Variants in PLCB1 observed in about 807,000 individuals in gnomAD.
PLCB1 encodes 1-phosphatidylinositol 4,5-bisphosphate phosphodiesterase beta-1.
Under a neutral mutation model 161.8 loss-of-function variants are expected in PLCB1, and 46 were observed. That is an observed-to-expected ratio of 0.28 (90% CI 0.22 to 0.36). PLCB1 has a LOEUF of 0.36. Among genes scored for constraint, PLCB1 ranks in the 10% least tolerant of loss-of-function variants. PLCB1 has a pLI of 1.00. For synonymous variants in PLCB1, 517 were observed against 503.7 expected (o/e 1.03, Z -0.35); for missense variants, 1,016 against 1,472.5 (o/e 0.69, Z 5.07).
intron 2 of PLCB1, among the ~76,000 whole-genome samples, chr20:8,155,235 C>T (rs1475955448): frequency 6.6e-6 from 1 of 151,972 alleles, no homozygotes; most frequent in Non-Finnish European, 1.5e-5. Flanking sequence ...TTTTGTTTAC[C>T]CGTGATCCTA....
At chr20:8,624,269 A>G (rs770696295) in intron 3 of PLCB1, among the ~76,000 whole-genome samples, 1 of 152,212 alleles carries the variant, frequency 6.6e-6, no homozygotes, top group Non-Finnish European at 1.5e-5. Flanking sequence ...CAGATTGAGA[A>G]TATTGCATTA....
chr20:8,195,959 G>C (rs904787110), intron 2 of PLCB1, among the ~76,000 whole-genome samples: 1 of 152,124 alleles, frequency 6.6e-6, no homozygotes, highest in Non-Finnish European at 1.5e-5. Context: ...GAGGCCTCTG[G>C]AAACTTACAA....
rs111556399 is a variant in PLCB1, at chr20:8,338,961, G to A, written c.178-32421G>A. Among the ~76,000 whole-genome samples, 540 of 152,238 alleles carry A rather than the reference G, an allele frequency of 3.5e-3. 3 individuals carry two copies. The highest frequency in any genetic ancestry group is 0.012 in the African/African-American group (492 of 41,540). ...ATGTAATTTTTTTTGAGATTCATCC[G>A]TGTTGTTCCATGTTGCATTCCTCTT... On this transcript the variant is annotated intron_variant, in intron 2 of 31. Transcript: ENST00000338037.
At chr20:8,745,848 A>T (rs570314456) in intron 23 of PLCB1, among the ~76,000 whole-genome samples, 1 of 152,194 alleles carries the variant, frequency 6.6e-6, no homozygotes, top group African/African-American at 2.4e-5. Context: ...AAACTAAAGA[A>T]ATAAAATTTT....
intron 2 of PLCB1, among the ~76,000 whole-genome samples, chr20:8,309,398 G>A (rs1984288534): frequency 1.3e-5 from 2 of 152,178 alleles, no homozygotes; most frequent in African/African-American, 2.4e-5. Flanking sequence ...CGCTGTAATG[G>A]CCTACATAGG....
intron 2 of PLCB1, among the ~76,000 whole-genome samples, chr20:8,210,186 C>T (rs1041889773): frequency 1.3e-5 from 2 of 151,962 alleles, no homozygotes; most frequent in East Asian, 3.9e-4. Context: ...TTTCATGTGT[C>T]TGGGGTGAAA....
intron 3 of PLCB1, among the ~76,000 whole-genome samples, chr20:8,610,105 C>G (rs1376045912): frequency 2.0e-5 from 3 of 152,076 alleles, no homozygotes; most frequent in African/African-American, 7.2e-5. Context: ...CTTTCTGTCT[C>G]TATGTGTTTA....
chr20:8,194,264 A>C (rs2052000497), intron 2 of PLCB1, among the ~76,000 whole-genome samples: 1 of 151,960 alleles, frequency 6.6e-6, no homozygotes, highest in South Asian at 2.1e-4. Flanking sequence ...CTTTACTTCA[A>C]ATCCAGTTCC....
chr20:8,521,325 G>GAA (rs11296333), intron 3 of PLCB1, among the ~76,000 whole-genome samples: 1 of 148,186 alleles, frequency 6.7e-6, no homozygotes, highest in Non-Finnish European at 1.5e-5. Context: ...TTATAAAAGG[G>GAA]AAAAAAAAAA....
At chr20:8,278,488 A>G (rs1982706598) in intron 2 of PLCB1, among the ~76,000 whole-genome samples, 8 of 151,620 alleles carry the variant, frequency 5.3e-5, no homozygotes, top group Admixed American at 5.3e-4. Context: ...GTAACTTCTA[A>G]AACTATATAG....
chr20:8,628,803 G>A (rs145947083), intron 4 of PLCB1, among the ~76,000 whole-genome samples: 21,957 of 151,736 alleles, frequency 0.14, 1,569 homozygotes, highest in Middle Eastern at 0.21. Context: ...GTGTGGTGGC[G>A]GGCACCTCTA....
chr20:8,143,785 G>T (rs898368706), intron 1 of PLCB1, among the ~76,000 whole-genome samples: 36 of 152,306 alleles, frequency 2.4e-4, no homozygotes, highest in African/African-American at 8.4e-4. Context: ...GATGGCAAGG[G>T]CCTGCATATA....
intron 31 of PLCB1, among the ~76,000 whole-genome samples, chr20:8,823,496 G>A (rs1421526543): frequency 1.3e-5 from 2 of 152,164 alleles, no homozygotes; most frequent in Non-Finnish European, 2.9e-5. Context: ...TCCAAAGAGG[G>A]TCCTGGAACC....
intron 12 of PLCB1, among the ~76,000 whole-genome samples, chr20:8,715,687 C>T (rs1979268012): frequency 1.3e-5 from 2 of 152,118 alleles, no homozygotes; most frequent in Non-Finnish European, 2.9e-5. Context: ...TCCTCCAGGA[C>T]CCCCTCCCCA....
intron 2 of PLCB1, among the ~76,000 whole-genome samples, chr20:8,324,056 C>T (rs1985034205): frequency 6.6e-6 from 1 of 152,012 alleles, no homozygotes; most frequent in South Asian, 2.1e-4. Context: ...ATTGCTTTTT[C>T]ACTGAATTAA....
rs869173548 is a variant in PLCB1, at chr20:8,495,388, C to CTTTTTTTTTTTTTTTTT, written c.246+123949_246+123965dup. Among the ~76,000 whole-genome samples, 9 of 94,364 alleles carry CTTTTTTTTTTTTTTTTT rather than the reference C, an allele frequency of 9.5e-5. 2 individuals are homozygous for CTTTTTTTTTTTTTTTTT. The highest frequency in any genetic ancestry group is 4.0e-4 in the African/African-American group (9 of 22,226). 61.9% of individuals were successfully genotyped at this position (94,364 alleles called of 152,430 possible). ...TGTGGACTTTGCCTTACCTTCCTTTCTTTTTTTTTTTTTTTTTTTTTTTTT... is the reference window on the plus strand; with the variant it reads ...TGTGGACTTTGCCTTACCTTCCTTTCTTTTTTTTTTTTTTTTTTTTTTTTTTTTTTTTTTTTTTTTTT... On this transcript the variant is annotated intron_variant, in intron 3 of 31. Coordinates refer to ENST00000338037, the MANE Select transcript of PLCB1 (RefSeq NM_015192.4).
chr20:8,574,484 A>C (rs1320860113), intron 3 of PLCB1, among the ~76,000 whole-genome samples: 1 of 152,128 alleles, frequency 6.6e-6, no homozygotes, highest in Non-Finnish European at 1.5e-5. Flanking sequence ...AGAAATACTA[A>C]GTGTTTATTA....
intron 2 of PLCB1, among the ~76,000 whole-genome samples, chr20:8,253,192 A>G (rs1038995422): frequency 7.6e-5 from 10 of 130,834 alleles, no homozygotes; most frequent in Non-Finnish European, 1.5e-4. Context: ...ATTCAGAGGT[A>G]TTGACTTCCC....
chr20:8,209,113 G>C (rs62199991), intron 2 of PLCB1, among the ~76,000 whole-genome samples: 1 of 152,082 alleles, frequency 6.6e-6, no homozygotes, highest in African/African-American at 2.4e-5. Flanking sequence ...TTGTACAGAT[G>C]GTCTTCAAGG....
Sources: allele counts gnomAD v4.1 joint callset (sites outside exome capture counted in the v4.1 genomes callset), GRCh38; gene constraint gnomAD v4.1.1; transcripts MANE v1.5; gene names NCBI Gene and HGNC (gene_info 2026-07-23, HGNC 2026-07-21).